Variants in BLACAT1 observed in about 807,000 individuals in gnomAD.
BLACAT1 encodes BLACAT1 overlapping LEMD1 locus, also known as bladder cancer associated transcript 1.
chr1:205,441,184 GC>G lies in BLACAT1; in HGVS notation c.-36-123del, dbSNP rs1214839161. ...CCAGTCATTGCCACTCCCTGAGGCGGCCCGCTAGGTCTCTCACACCGGCTGG... is the reference window on the plus strand; with the variant it reads ...CCAGTCATTGCCACTCCCTGAGGCGGCCGCTAGGTCTCTCACACCGGCTGG... On this transcript the variant is annotated intron_variant, in intron 1 of 1. Transcript: ENST00000629624. This position sits in a 1 kb window ranked among gnomAD's most constrained non-coding sequence, Gnocchi z 4.3. 1 of 152,264 alleles carries G rather than the reference GC, an allele frequency of 6.6e-6. No homozygotes were observed. Among genetic ancestry groups the G allele is most frequent in the Non-Finnish European group, 1.5e-5 (1 of 68,128 alleles). 9.4% of individuals were successfully genotyped at this position (152,264 alleles called of 1,614,324 possible).
intron 1 of BLACAT1, among the ~76,000 whole-genome samples, chr1:205,453,362 G>A (rs185566721): frequency 5.9e-4 from 90 of 152,272 alleles, no homozygotes; most frequent in African/African-American, 1.4e-3. Flanking sequence ...CCTCTGCTCC[G>A]AGGTCCCATC....
intron 1 of BLACAT1, among the ~76,000 whole-genome samples, chr1:205,454,736 C>G (rs1258113941): frequency 1.3e-5 from 2 of 152,098 alleles, no homozygotes; most frequent in Non-Finnish European, 2.9e-5. Flanking sequence ...CAATCCCTTT[C>G]CCCTCAATTC....
rs1558743702 is a variant in BLACAT1 at position 205,441,259 on chromosome 1, C to A, written c.-36-197G>T. Among the ~76,000 whole-genome samples the A allele has an allele frequency of 1.3e-5, 2 of 152,126 alleles. No homozygotes were observed. The highest frequency in any genetic ancestry group is 4.8e-5 in the African/African-American group (2 of 41,432). On this transcript the variant is annotated intron_variant, in intron 1 of 1. Transcript: ENST00000629624. This position sits in a 1 kb window ranked among gnomAD's most constrained non-coding sequence, Gnocchi z 4.3. ...ACAGCTCTTTGAAACCTCAGTGTTT[C>A]CTGATCTGTGTGGAGCTGATGTCAT...
At position 205,442,751 on chromosome 1, in the gene BLACAT1, C is replaced by T. The variant is rs923086653; in HGVS notation, c.-36-1689G>A. Among the ~76,000 whole-genome samples the T allele has an allele frequency of 2.0e-5, 3 of 152,286 alleles. No individual in the cohort carries two copies. In the East Asian group the frequency reaches 5.8e-4, roughly 29 times the overall value. ...AGTATATATAGTTAGCAGAGAGCAA[C>T]CTCCAGGATATATATAGAGCCAAGA... On this transcript the variant is annotated intron_variant, in intron 1 of 1. Coordinates refer to ENST00000629624, the Ensembl canonical transcript of BLACAT1.
At chr1:205,446,726 A>G (rs901861072) in intron 1 of BLACAT1, among the ~76,000 whole-genome samples, 5 of 152,186 alleles carry the variant, frequency 3.3e-5, no homozygotes, top group African/African-American at 1.2e-4. Context: ...CAGCTGGACA[A>G]TGAGGGAGGT....
chr1:205,443,593 G>A lies in BLACAT1; in HGVS notation c.-36-2531C>T, dbSNP rs140902623. Among the ~76,000 whole-genome samples the A allele has an allele frequency of 5.3e-5, 8 of 152,256 alleles. No individual in the cohort carries two copies. The East Asian group carries it at 1.5e-3, about 29-fold the overall frequency. ...GCTGGCTGCCTCAGTGGGATTCCTG[G>A]GTCCTTGTATCTAAGAGTAGAAAGT... On this transcript the variant is annotated intron_variant, in intron 1 of 1. Coordinates refer to ENST00000629624, the Ensembl canonical transcript of BLACAT1.
chr1:205,441,974 A>G lies in BLACAT1; in HGVS notation c.-36-912T>C, dbSNP rs1666300263. On this transcript the variant is annotated intron_variant, in intron 1 of 1. Coordinates refer to ENST00000629624, the Ensembl canonical transcript of BLACAT1. The surrounding 1 kb of genome is among the most constrained non-coding windows in gnomAD (Gnocchi z 4.3). ...TTCAGGAGCTCAGCTTCAGTCTGCA[A>G]GAGTATCCCTTTCTCCAAAGGCTCA... Among the ~76,000 whole-genome samples, 1 of 152,174 alleles carries G rather than the reference A, an allele frequency of 6.6e-6. No homozygotes were observed. The highest frequency in any genetic ancestry group is 2.1e-4 in the South Asian group (1 of 4,834).
chr1:205,454,626 G>A (rs1000404142), intron 1 of BLACAT1, among the ~76,000 whole-genome samples: 6 of 152,080 alleles, frequency 3.9e-5, no homozygotes, highest in African/African-American at 1.4e-4. Flanking sequence ...GGCATTGAAT[G>A]ACTGAGAGAT....
chr1:205,450,135 G>A lies in BLACAT1; in HGVS notation c.-37+5782C>T, dbSNP rs867293393. The stretch of plus-strand genomic sequence containing the variant: ...GGGGGTGGGGGCGGGCTGGGCAGGC[G>A]GGGCAGCCAGGTATTCCTTCAACCC... On this transcript the variant is annotated intron_variant, in intron 1 of 1. Coordinates refer to ENST00000629624, the Ensembl canonical transcript of BLACAT1. This position sits in a 1 kb window ranked among gnomAD's most constrained non-coding sequence, Gnocchi z 4.4. Among the ~76,000 whole-genome samples the A allele has an allele frequency of 3.9e-5, 6 of 152,098 alleles. No individual in the cohort carries two copies. Among genetic ancestry groups the A allele is most frequent in the African/African-American group, 9.7e-5 (4 of 41,428 alleles).
rs1666482012 is a variant in BLACAT1 at position 205,450,529 on chromosome 1, G to A, written c.-37+5388C>T. 1.3e-5 allele frequency among the ~76,000 whole-genome samples: 2 copies of A among 151,328 alleles called. No homozygotes were observed. Among genetic ancestry groups the A allele is most frequent in the Admixed American group, 6.6e-5 (1 of 15,208 alleles). ...TGCTCCCACCACTCCCCTGCCCTGG[G>A]AGGACAAGGTCAGCACTTATCTGTC... On this transcript the variant is annotated intron_variant, in intron 1 of 1. Transcript: ENST00000629624. This position sits in a 1 kb window ranked among gnomAD's most constrained non-coding sequence, Gnocchi z 4.4.
chr1:205,441,667 A>G lies in BLACAT1; in HGVS notation c.-36-605T>C, dbSNP rs1666295687. Among the ~76,000 whole-genome samples the G allele has an allele frequency of 6.6e-6, 1 of 152,230 alleles. No individual in the cohort carries two copies. Among genetic ancestry groups the G allele is most frequent in the African/African-American group, 2.4e-5 (1 of 41,464 alleles). ...ACCCTTCCTTTGACTGCTCAGGGCAATGCAAATCCCATCCTCACCATGCAG... is the reference window on the plus strand; with the variant it reads ...ACCCTTCCTTTGACTGCTCAGGGCAGTGCAAATCCCATCCTCACCATGCAG... On this transcript the variant is annotated intron_variant, in intron 1 of 1. Transcript: ENST00000629624. This position sits in a 1 kb window ranked among gnomAD's most constrained non-coding sequence, Gnocchi z 4.3.
intron 1 of BLACAT1, among the ~76,000 whole-genome samples, chr1:205,447,602 G>A (rs756614190): frequency 1.3e-5 from 2 of 152,030 alleles, no homozygotes; most frequent in African/African-American, 2.4e-5. Context: ...TGTGGGAGTG[G>A]CGACAGGCAT....
At chr1:205,438,010 A>C (rs1196661310), downstream of BLACAT1, 2 of 152,220 alleles carry the variant, frequency 1.3e-5, no homozygotes, top group Non-Finnish European at 2.9e-5. Context: ...GGAGCAGAGA[A>C]GGAAATGACA....
At position 205,448,107 on chromosome 1, in the gene BLACAT1, C is replaced by A. The variant is rs967789352; in HGVS notation, c.-36-7045G>T. Among the ~76,000 whole-genome samples, 1 of 152,176 alleles carries A rather than the reference C, an allele frequency of 6.6e-6. No individual in the cohort carries two copies. Among genetic ancestry groups the A allele is most frequent in the Non-Finnish European group, 1.5e-5 (1 of 68,034 alleles). On this transcript the variant is annotated intron_variant, in intron 1 of 1. Coordinates refer to ENST00000629624, the Ensembl canonical transcript of BLACAT1. This position sits in a 1 kb window ranked among gnomAD's most constrained non-coding sequence, Gnocchi z 4.7. The stretch of plus-strand genomic sequence containing the variant: ...AGAGGGAATCTCCCTCTGGAATCAC[C>A]GGCCCAGTCTCTTCATTCCAGAGTG...
intron 1 of BLACAT1, among the ~76,000 whole-genome samples, chr1:205,447,038 G>A (rs1399245143): frequency 6.6e-6 from 1 of 152,232 alleles, no homozygotes; most frequent in Non-Finnish European, 1.5e-5. Flanking sequence ...TAGAGATCTC[G>A]TGAGAACAAC....
At chr1:205,454,498 A>T (rs1031323712) in intron 1 of BLACAT1, among the ~76,000 whole-genome samples, 7 of 151,660 alleles carry the variant, frequency 4.6e-5, no homozygotes, top group Non-Finnish European at 1.0e-4. Context: ...AGTGCCCAAT[A>T]CTACTTGGAG....
intron 1 of BLACAT1, among the ~76,000 whole-genome samples, chr1:205,447,563 GC>G (rs1350303619): frequency 6.6e-6 from 1 of 152,068 alleles, no homozygotes; most frequent in African/African-American, 2.4e-5. Flanking sequence ...CTAAAATCAG[GC>G]CGATTTAAAA....
chr1:205,449,475 G>A (rs1666457658), intron 1 of BLACAT1, among the ~76,000 whole-genome samples: 1 of 151,900 alleles, frequency 6.6e-6, no homozygotes, highest in African/African-American at 2.4e-5. Flanking sequence ...CACCCCAACT[G>A]TACCCTCAGC....
At chr1:205,438,919 G>A (rs1193419631), downstream of BLACAT1, among the ~76,000 whole-genome samples, 2 of 151,980 alleles carry the variant, frequency 1.3e-5, no homozygotes, top group African/African-American at 4.8e-5. Context: ...AGCTCTCCTC[G>A]GCCACCCGCT....
Sources: gnomAD v4.1 joint callset for allele counts (sites outside exome capture counted in the v4.1 genomes callset) on GRCh38, gnomAD v4.1.1 for gene constraint, Gnocchi (gnomAD v3.1) non-coding constraint, MANE v1.5 for transcripts, NCBI Gene and HGNC (gene_info 2026-07-23, HGNC 2026-07-21) for gene names.